CALR: variants seen among roughly 807,000 people sequenced by gnomAD.
The protein encoded by CALR is calreticulin, also known as CRP55.
In CALR, 15 loss-of-function variants were observed where a neutral mutation model predicts 51.1. That is an observed-to-expected ratio of 0.29 (90% CI 0.20 to 0.45). The LOEUF (loss-of-function observed/expected upper bound fraction) is 0.45. CALR is among the 20% of genes least tolerant of loss of function. The probability of loss-of-function intolerance (pLI) is 1.00; values close to 1 mark genes in which losing one functional copy is unlikely to be tolerated. For missense variants in CALR, 477 were observed against 530.6 expected, an observed-to-expected ratio of 0.90 and a Z score of 0.99; for synonymous variants, 239 against 205.9, an observed-to-expected ratio of 1.16 and a Z score of -1.38.
Position 12,940,469 on chromosome 19 carries a change from G to C in CALR, c.702+17G>C. 6.2e-7 allele frequency: 1 copy of C among 1,613,872 alleles called. No individual in the cohort carries two copies. The highest frequency in any genetic ancestry group is 8.5e-7 in the Non-Finnish European group (1 of 1,179,794). ...AAGCCTGAGGTTGGTGTTTGGGCAG[G>C]GGCTCTGCTCTCCACATTGGAGGGT... On this transcript the variant is annotated intron_variant, in intron 5 of 8. Coordinates refer to ENST00000316448, the MANE Select transcript of CALR (RefSeq NM_004343.4).
chr19:12,940,381 C>G lies in CALR; in HGVS notation c.631C>G (p.Pro211Ala). The G allele has an allele frequency of 6.2e-7, 1 of 1,614,176 alleles. No homozygotes were observed. Among genetic ancestry groups the G allele is most frequent in the Non-Finnish European group, 8.5e-7 (1 of 1,180,030 alleles). Reference sequence around the variant, plus strand: ...CCTGCCACCCAAGAAGATAAAGGATCCTGATGCTTCAAAACCGGAAGACTG... The same window carrying G: ...CCTGCCACCCAAGAAGATAAAGGATGCTGATGCTTCAAAACCGGAAGACTG... ...DFLPPKKIKD[P>A]DASKPEDWDE... The change falls in exon 5 of 9, where the codon CCT becomes GCT. Residue 211 changes from proline to alanine, a missense_variant. Pro to Ala is a conservative substitution (Grantham distance 27). Transcript: ENST00000316448.
Position 12,943,578 on chromosome 19 carries a change from C to T in CALR, c.1002C>T (p.Asn334=), listed in dbSNP as rs146803878. 107 of 1,614,128 alleles carry T rather than the reference C, an allele frequency of 6.6e-5. 1 individual carries two copies. In the African/African-American group the frequency reaches 8.7e-4, roughly 13 times the overall value. ...TCTTTGACAACTTCCTCATCACCAA[C>T]GATGAGGCATACGCTGAGGAGTTTG... is the stretch of plus-strand genomic sequence containing the variant. ...GTIFDNFLIT[N]DEAYAEEFGN... The change falls in exon 8 of 9, where the codon AAC becomes AAT. Residue 334 remains asparagine (N), a synonymous_variant. Coordinates refer to ENST00000316448, the MANE Select transcript of CALR (RefSeq NM_004343.4).
Position 12,940,821 on chromosome 19 carries a change from G to A in CALR, c.894G>A (p.Glu298=), listed in dbSNP as rs1320122939. 3 of 1,613,984 alleles carry A rather than the reference G, an allele frequency of 1.9e-6. No individual in the cohort carries two copies. Among genetic ancestry groups the A allele is most frequent in the Non-Finnish European group, 8.5e-7 (1 of 1,180,000 alleles). Residue 298 remains glutamate, a synonymous_variant, in exon 7 of 9, where the codon GAG becomes GAA. Coordinates refer to ENST00000316448, the MANE Select transcript of CALR (RefSeq NM_004343.4). ...TWIHPEIDNP[E]YSPDPSIYAY... ...TCCACCCAGAAATTGACAACCCCGAGTATTCTCCCGATCCCAGTATCTATG... is the reference window on the plus strand; with the variant it reads ...TCCACCCAGAAATTGACAACCCCGAATATTCTCCCGATCCCAGTATCTATG...
chr19:12,944,139 G>T lies in CALR; in HGVS notation c.*226G>T, dbSNP rs1971594438. On this transcript the variant is annotated 3_prime_UTR_variant, in exon 9 of 9. Coordinates refer to ENST00000316448, the MANE Select transcript of CALR (RefSeq NM_004343.4). ...GTATTTTATCTTTGATTCTCCTTCA[G>T]CCCTCACCCCTGGTTCTCATCTTTC... 2.3e-5 allele frequency: 14 copies of T among 612,140 alleles called. No individual in the cohort carries two copies. The South Asian group carries it at 2.7e-4, about 12-fold the overall frequency. The allele number at this position is 612,140 out of a possible 1,614,324, so 37.9% of individuals were successfully genotyped here.
At chr19:12,941,218 A>G (rs1228319111) in intron 7 of CALR, among the ~76,000 whole-genome samples, 1 of 152,136 alleles carries the variant, frequency 6.6e-6, no homozygotes, top group East Asian at 1.9e-4. Flanking sequence ...GGAGGCTGAG[A>G]CAGAGGATTG....
At chr19:12,939,063 CT>C in intron 1 of CALR, 70 bp from the exon 2 acceptor site, 6 of 915,644 alleles carry the variant, frequency 6.6e-6, no homozygotes. Flanking sequence ...GCTTGTGGCT[CT>C]CGGCAGATGT....
rs1264674656 is a variant in CALR, at chr19:12,943,853, G to T, written c.1194G>T (p.Glu398Asp). ...DEDKDEDEED[E>D]EDKEEDEEED... ...ACAAAGATGAGGATGAGGAGGATGA[G>T]GAGGACAAGGAGGAAGATGAGGAGG... Residue 398 changes from glutamate to aspartate, a missense_variant, in exon 9 of 9, where the codon GAG becomes GAT. Physicochemically the swap from Glu to Asp is conservative, Grantham distance 45. Transcript: ENST00000316448. The T allele has an allele frequency of 4.4e-6, 7 of 1,580,616 alleles. No individual in the cohort carries two copies. The highest frequency in any genetic ancestry group is 1.3e-5 in the African/African-American group (1 of 74,322).
rs761931801 is a variant in CALR at position 12,938,653 on chromosome 19, CG to C, written c.-26del. 32 of 1,579,504 alleles carry C rather than the reference CG, an allele frequency of 2.0e-5. No individual in the cohort carries two copies. The Admixed American group carries it at 3.5e-4, about 17-fold the overall frequency. ...TGCCGGAGGGTCGTTTTAAAGGGCC[CG>C]CGCGTTGCCGCCCCCTCGGCCCGCC... On this transcript the variant is annotated 5_prime_UTR_variant, in exon 1 of 9. Coordinates refer to ENST00000316448, the MANE Select transcript of CALR (RefSeq NM_004343.4).
Position 12,944,164 on chromosome 19 carries a change from C to G in CALR, c.*251C>G, listed in dbSNP as rs1971594961. ...GCCCTCACCCCTGGTTCTCATCTTT[C>G]TTGATCAACATCTTTTCTTGCCTCT... On this transcript the variant is annotated 3_prime_UTR_variant, in exon 9 of 9. Coordinates refer to ENST00000316448, the MANE Select transcript of CALR (RefSeq NM_004343.4). 1.7e-6 allele frequency: 1 copy of G among 571,838 alleles called. No homozygotes were observed. Among genetic ancestry groups the G allele is most frequent in the South Asian group, 2.1e-5 (1 of 48,046 alleles). 35.4% of individuals were successfully genotyped at this position (571,838 alleles called of 1,614,324 possible). A position where few individuals can be genotyped will look rare whatever the true frequency, so the allele number is the denominator to read the frequency against.
Position 12,943,914 on chromosome 19 carries a change from AGAGGCCTGCCTCCAGGGCTGGACT to A in CALR, c.*10_*33del, listed in dbSNP as rs1971587590. 4 of 1,602,834 alleles carry A rather than the reference AGAGGCCTGCCTCCAGGGCTGGACT, an allele frequency of 2.5e-6. No individual in the cohort carries two copies. The highest frequency in any genetic ancestry group is 1.7e-5 in the Admixed American group (1 of 58,658). On this transcript the variant is annotated 3_prime_UTR_variant, in exon 9 of 9. Transcript: ENST00000316448. ...CGGCCAGGCCAAGGACGAGCTGTAG[AGAGGCCTGCCTCCAGGGCTGGACT>A]GAGGCCTGAGCGCTCCTGCCGCAGA...
rs374885707 is a variant in CALR, at chr19:12,940,720, TC to T, written c.817-23del. 43 of 1,614,046 alleles carry T rather than the reference TC, an allele frequency of 2.7e-5. No individual in the cohort carries two copies. The African/African-American group carries it at 5.5e-4, about 21-fold the overall frequency. On this transcript the variant is annotated intron_variant, in intron 6 of 8. Transcript: ENST00000316448. ...GGAGTGCACCAACCTTACTCACCCT[TC>T]GGTTTCCTTCTCCCTTCTGCAGGGT... is the stretch of plus-strand genomic sequence containing the variant.
Position 12,944,196 on chromosome 19 carries a change from TTC to T in CALR, c.*288_*289del. ...AACATCTTTTCTTGCCTCTGTCCCC[TTC>T]TCTCATCTCTTAGCTCCCCTCCAAC... On this transcript the variant is annotated 3_prime_UTR_variant, in exon 9 of 9. Transcript: ENST00000316448. 1 of 528,496 alleles carries T rather than the reference TTC, an allele frequency of 1.9e-6. No homozygotes were observed. Among genetic ancestry groups the T allele is most frequent in the East Asian group, 3.4e-5 (1 of 29,310 alleles). The allele number at this position is 528,496 out of a possible 1,614,324, so 32.7% of individuals were successfully genotyped here.
chr19:12,939,264 C>T (rs1203084058), intron 2 of CALR, 29 bp downstream of exon 2: 2 of 1,517,672 alleles, frequency 1.3e-6, no homozygotes, highest in Non-Finnish European at 1.8e-6. Flanking sequence ...GTGCTCAGAT[C>T]CGGGAGGACT....
intron 3 of CALR, 48 bp downstream of exon 3, chr19:12,939,679 G>A (rs760893838): frequency 6.7e-7 from 1 of 1,496,906 alleles, no homozygotes; most frequent in Non-Finnish European, 9.3e-7. Flanking sequence ...TAGTTAGAGG[G>A]AGACCCAGAC....
Position 12,938,670 on chromosome 19 carries a change from T to G in CALR, c.-10T>G. On this transcript the variant is annotated 5_prime_UTR_variant, in exon 1 of 9. Transcript: ENST00000316448. Reference sequence around the variant, plus strand: ...AAAGGGCCCGCGCGTTGCCGCCCCCTCGGCCCGCCATGCTGCTATCCGTGC... The same window carrying G: ...AAAGGGCCCGCGCGTTGCCGCCCCCGCGGCCCGCCATGCTGCTATCCGTGC... 2 of 1,604,690 alleles carry G rather than the reference T, an allele frequency of 1.2e-6. No homozygotes were observed. Among genetic ancestry groups the G allele is most frequent in the Non-Finnish European group, 1.7e-6 (2 of 1,175,920 alleles).
At chr19:12,939,943 G>C in intron 3 of CALR, 110 bp from the exon 4 acceptor site, 1 of 832,544 alleles carries the variant, frequency 1.2e-6, no homozygotes, top group Non-Finnish European at 2.0e-6. Context: ...TCTCTTCTCA[G>C]CCTTGACAGA....
chr19:12,943,239 C>T (rs904819135), intron 7 of CALR: 1 of 390,484 alleles, frequency 2.6e-6, no homozygotes, highest in Admixed American at 3.7e-5. Flanking sequence ...CACTTGCCAC[C>T]ACGCCTGGCT....
chr19:12,938,853 C>T (rs966897395), intron 1 of CALR, 83 bp downstream of exon 1: 14 of 1,076,296 alleles, frequency 1.3e-5, no homozygotes, highest in Non-Finnish European at 1.7e-5. Context: ...CCGTAATTAC[C>T]GTTTAGAGGT....
chr19:12,943,497 C>G (rs532390694), intron 7 of CALR, 40 bp from the exon 8 acceptor site: 2 of 1,569,390 alleles, frequency 1.3e-6, no homozygotes, highest in South Asian at 1.1e-5. Context: ...CAAGGGCTAT[C>G]GGGTATCACC....
Sources: allele counts gnomAD v4.1 joint callset (sites outside exome capture counted in the v4.1 genomes callset), GRCh38; gene constraint gnomAD v4.1.1; transcripts MANE v1.5; gene names NCBI Gene and HGNC (gene_info 2026-07-23, HGNC 2026-07-21).